Variants in PITPNC1 observed in about 807,000 individuals in gnomAD.
The protein encoded by PITPNC1 is cytoplasmic phosphatidylinositol transfer protein 1.
A neutral mutation model predicts 44.7 loss-of-function variants in PITPNC1; 18 were observed. The observed-to-expected ratio is 0.40, with a 90% CI of 0.28 to 0.60. The LOEUF is 0.60. Ranked by LOEUF, PITPNC1 falls within the 20% of genes least tolerant of loss-of-function variation. PITPNC1 has a pLI of 0.39. For missense variants in PITPNC1, 290 were observed against 418.4 expected, an observed-to-expected ratio of 0.69 and a Z score of 2.68; for synonymous variants, 141 against 149.6, an observed-to-expected ratio of 0.94 and a Z score of 0.42.
At chr17:67,679,457 A>T (rs2042663643) in intron 8 of PITPNC1, among the ~76,000 whole-genome samples, 1 of 152,238 alleles carries the variant, frequency 6.6e-6, no homozygotes, top group Non-Finnish European at 1.5e-5. Context: ...GTGTGTTCAT[A>T]CAGTGCACAA....
chr17:67,473,723 T>C (rs2039584552), intron 1 of PITPNC1, among the ~76,000 whole-genome samples: 1 of 152,146 alleles, frequency 6.6e-6, no homozygotes, highest in African/African-American at 2.4e-5. Flanking sequence ...GCATTACAGG[T>C]GCATGCCACC....
At chr17:67,648,948 GT>G (rs1271932091) in intron 6 of PITPNC1, among the ~76,000 whole-genome samples, 1 of 152,196 alleles carries the variant, frequency 6.6e-6, no homozygotes. Flanking sequence ...GAGGCCAGGA[GT>G]TTGAGACCAG....
chr17:67,487,594 T>G (rs1353915390), intron 1 of PITPNC1, among the ~76,000 whole-genome samples: 1 of 152,202 alleles, frequency 6.6e-6, no homozygotes, highest in Non-Finnish European at 1.5e-5. Flanking sequence ...TGAAAGGTGT[T>G]TAATCCAACT....
chr17:67,628,361 G>GT (rs1301137447), intron 5 of PITPNC1, among the ~76,000 whole-genome samples: 16 of 152,058 alleles, frequency 1.1e-4, no homozygotes, highest in Non-Finnish European at 1.8e-4. Flanking sequence ...TGCAATGGGT[G>GT]TATCAGTCAG....
intron 2 of PITPNC1, among the ~76,000 whole-genome samples, chr17:67,540,943 G>A (rs369708620): frequency 1.3e-5 from 2 of 152,096 alleles, no homozygotes; most frequent in African/African-American, 2.4e-5. Context: ...AGGGCTGGAC[G>A]CAATGGCTCA....
chr17:67,580,278 T>C (rs989404775), intron 5 of PITPNC1, among the ~76,000 whole-genome samples: 8 of 152,236 alleles, frequency 5.3e-5, no homozygotes, highest in African/African-American at 1.9e-4. Flanking sequence ...CTGTGGACTC[T>C]CATGAAAAGG....
In PITPNC1 at chr17:67,378,993, T is replaced by C. The variant is rs2037915627; in HGVS notation, c.48+791T>C. 6 of 985,164 alleles carry C rather than the reference T, an allele frequency of 6.1e-6. No individual in the cohort carries two copies. In the African/African-American group the frequency reaches 7.0e-5, roughly 11 times the overall value. 61.0% of individuals were successfully genotyped at this position (985,164 alleles called of 1,614,324 possible). A position where few individuals can be genotyped will look rare whatever the true frequency, so the allele number is the denominator to read the frequency against. ...CCTCCAAGCGCGGCTCTGCTGTCCT[T>C]CTCCCGATCCTGCGAAGCCGCGAGC... On this transcript the variant is annotated intron_variant, in intron 1 of 8. Coordinates refer to ENST00000581322, the MANE Select transcript of PITPNC1 (RefSeq NM_012417.4).
intron 1 of PITPNC1, among the ~76,000 whole-genome samples, chr17:67,500,401 C>T (rs893652470): frequency 3.3e-5 from 5 of 152,118 alleles, no homozygotes; most frequent in Admixed American, 3.3e-4. Flanking sequence ...CCAGACACAA[C>T]GAGCCACATA....
intron 1 of PITPNC1, among the ~76,000 whole-genome samples, chr17:67,504,432 A>G (rs572988506): frequency 7.9e-5 from 12 of 152,342 alleles, no homozygotes; most frequent in Non-Finnish European, 1.8e-4. Context: ...TTGCTTTGCT[A>G]TTCCAGGAAC....
At chr17:67,592,918 G>T (rs1220101936) in intron 5 of PITPNC1, among the ~76,000 whole-genome samples, 1 of 152,160 alleles carries the variant, frequency 6.6e-6, no homozygotes, top group Non-Finnish European at 1.5e-5. Flanking sequence ...TAGGCCTGTA[G>T]CTCCAGCTAC....
intron 6 of PITPNC1, among the ~76,000 whole-genome samples, chr17:67,640,797 C>G (rs1034597894): frequency 6.6e-6 from 1 of 151,788 alleles, no homozygotes; most frequent in Non-Finnish European, 1.5e-5. Flanking sequence ...CGAGACCAGC[C>G]AGGACAACAT....
chr17:67,659,216 A>G (rs1040467572), intron 6 of PITPNC1, among the ~76,000 whole-genome samples: 9 of 152,322 alleles, frequency 5.9e-5, no homozygotes, highest in African/African-American at 1.9e-4. Flanking sequence ...GCTGAGCAAC[A>G]GCCCCAAAAT....
At chr17:67,407,373 G>C (rs901763254) in intron 1 of PITPNC1, among the ~76,000 whole-genome samples, 1 of 152,076 alleles carries the variant, frequency 6.6e-6, no homozygotes, top group Non-Finnish European at 1.5e-5. Flanking sequence ...CTTTTGTTGA[G>C]TTGTAAAACT....
intron 6 of PITPNC1, among the ~76,000 whole-genome samples, chr17:67,648,801 A>G (rs2042178584): frequency 6.6e-6 from 1 of 152,096 alleles, no homozygotes; most frequent in Non-Finnish European, 1.5e-5. Flanking sequence ...GCCTCACCCC[A>G]ATCCCATGTG....
At chr17:67,408,455 G>C (rs555386132) in intron 1 of PITPNC1, among the ~76,000 whole-genome samples, 2 of 152,182 alleles carry the variant, frequency 1.3e-5, no homozygotes, top group South Asian at 4.1e-4. Flanking sequence ...ACTTGAACCT[G>C]GGAGGCAGAG....
chr17:67,500,744 A>G (rs950351444), intron 1 of PITPNC1, among the ~76,000 whole-genome samples: 2 of 151,356 alleles, frequency 1.3e-5, no homozygotes, highest in Non-Finnish European at 2.9e-5. Flanking sequence ...ATCATGGCCC[A>G]TGGCTCACGG....
chr17:67,469,294 TG>T (rs1187273735), intron 1 of PITPNC1, among the ~76,000 whole-genome samples: 1 of 152,140 alleles, frequency 6.6e-6, no homozygotes, highest in Non-Finnish European at 1.5e-5. Flanking sequence ...TGCTGCAGCC[TG>T]TGCCATCCTC....
chr17:67,690,466 AAAAG>A (rs1036204488), intron 8 of PITPNC1, among the ~76,000 whole-genome samples: 17 of 151,918 alleles, frequency 1.1e-4, no homozygotes, highest in African/African-American at 4.1e-4. Context: ...AAAAAAAAGA[AAAAG>A]AAAAGTCCTA....
At chr17:67,632,114 AC>A (rs1313614188) in intron 5 of PITPNC1, 28 bp from the exon 6 acceptor site, 1 of 1,441,412 alleles carries the variant, frequency 6.9e-7, no homozygotes, top group South Asian at 1.1e-5. Flanking sequence ...GCTATCACTA[AC>A]CTTTGATATG....
Sources: gnomAD v4.1 joint callset for allele counts (sites outside exome capture counted in the v4.1 genomes callset) on GRCh38, gnomAD v4.1.1 for gene constraint, MANE v1.5 for transcripts, NCBI Gene and HGNC (gene_info 2026-07-23, HGNC 2026-07-21) for gene names.